Variants in CSMD3 observed in about 807,000 individuals in gnomAD.
CSMD3 encodes the protein CUB and Sushi multiple domains 3.
A neutral mutation model predicts 435.2 loss-of-function variants in CSMD3; 177 were observed. That is an observed-to-expected ratio of 0.41 (90% CI 0.36 to 0.46). The LOEUF is 0.46. CSMD3 is among the 20% of genes least tolerant of loss of function. The probability of loss-of-function intolerance (pLI) is 0.34; values close to 1 mark genes in which losing one functional copy is unlikely to be tolerated. For missense variants in CSMD3, 4,265 were observed against 4,504.6 expected (o/e 0.95, Z 1.52); for synonymous variants, 1,656 against 1,520.5 (o/e 1.09, Z -2.07).
At chr8:112,776,354 A>G (rs2078246609) in intron 13 of CSMD3, among the ~76,000 whole-genome samples, 1 of 151,804 alleles carries the variant, frequency 6.6e-6, no homozygotes. Context: ...TTCCTACTAA[A>G]TAATCCACCA....
chr8:113,275,045 A>T (rs973837744), intron 3 of CSMD3, among the ~76,000 whole-genome samples: 1 of 152,042 alleles, frequency 6.6e-6, no homozygotes, highest in Non-Finnish European at 1.5e-5. Context: ...ATAGAATTGA[A>T]ATGCTTATAT....
intron 13 of CSMD3, among the ~76,000 whole-genome samples, chr8:112,738,793 G>A (rs1181085508): frequency 6.6e-6 from 1 of 151,528 alleles, no homozygotes; most frequent in African/African-American, 2.4e-5. Flanking sequence ...AAAATAAAAA[G>A]CAATAACTTT....
chr8:112,855,749 T>G (rs1278484093), intron 11 of CSMD3, among the ~76,000 whole-genome samples: 1 of 151,808 alleles, frequency 6.6e-6, no homozygotes, highest in African/African-American at 2.4e-5. Flanking sequence ...CATGGGCATT[T>G]CTATGAGTTT....
At chr8:112,633,147 T>C (rs1212089052) in intron 22 of CSMD3, among the ~76,000 whole-genome samples, 1 of 152,042 alleles carries the variant, frequency 6.6e-6, no homozygotes, top group Non-Finnish European at 1.5e-5. Flanking sequence ...TCTGTCAAGA[T>C]TATTCTCCTG....
intron 3 of CSMD3, among the ~76,000 whole-genome samples, chr8:113,252,124 T>C (rs2093339889): frequency 6.6e-6 from 1 of 152,148 alleles, no homozygotes; most frequent in African/African-American, 2.4e-5. Flanking sequence ...AGAATACTCC[T>C]GATTTCTCAG....
At chr8:112,637,419 A>T (rs2131584025) in intron 21 of CSMD3, among the ~76,000 whole-genome samples, 1 of 152,270 alleles carries the variant, frequency 6.6e-6, no homozygotes, top group East Asian at 1.9e-4. Flanking sequence ...TTAATATTTT[A>T]CATTTAAATG....
chr8:113,301,006 A>G (rs2093761822), intron 2 of CSMD3, among the ~76,000 whole-genome samples: 1 of 152,174 alleles, frequency 6.6e-6, no homozygotes, highest in Non-Finnish European at 1.5e-5. Flanking sequence ...GATGATATAT[A>G]TTTTATAAAT....
intron 5 of CSMD3, among the ~76,000 whole-genome samples, chr8:113,052,998 C>T (rs2088163218): frequency 6.6e-6 from 1 of 152,118 alleles, no homozygotes; most frequent in Non-Finnish European, 1.5e-5. Flanking sequence ...TTAACTTTTA[C>T]ATTTAGTAGC....
chr8:113,002,176 G>C (rs2131075892), intron 6 of CSMD3, among the ~76,000 whole-genome samples: 1 of 152,166 alleles, frequency 6.6e-6, no homozygotes, highest in Non-Finnish European at 1.5e-5. Context: ...TCCTCGTCTA[G>C]AATTTCATTT....
intron 45 of CSMD3, among the ~76,000 whole-genome samples, chr8:112,325,655 T>C (rs1379682538): frequency 6.6e-6 from 1 of 152,052 alleles, no homozygotes; most frequent in Non-Finnish European, 1.5e-5. Context: ...TTAGTGTATA[T>C]ACATATATAT....
intron 13 of CSMD3, among the ~76,000 whole-genome samples, chr8:112,756,733 G>T (rs999070602): frequency 6.6e-6 from 1 of 150,630 alleles, no homozygotes; most frequent in Non-Finnish European, 1.5e-5. Context: ...CCTTGAAATC[G>T]TTTTTTCTCC....
chr8:112,428,830 C>T (rs764584650), intron 32 of CSMD3, among the ~76,000 whole-genome samples: 74 of 152,112 alleles, frequency 4.9e-4, no homozygotes, highest in Non-Finnish European at 1.0e-3. Context: ...ATCACTTGAA[C>T]TTAATGGGCA....
intron 16 of CSMD3, among the ~76,000 whole-genome samples, chr8:112,672,965 C>T (rs565534742): frequency 6.6e-6 from 1 of 152,068 alleles, no homozygotes; most frequent in Admixed American, 6.6e-5. Flanking sequence ...GCTCTTCCAT[C>T]TGAGAAGTGG....
At chr8:112,253,100 C>G (rs576160234) in intron 63 of CSMD3, among the ~76,000 whole-genome samples, 2 of 151,956 alleles carry the variant, frequency 1.3e-5, no homozygotes, top group African/African-American at 4.8e-5. Flanking sequence ...ATTTAGTACA[C>G]CGACACTAAC....
At chr8:112,974,264 G>A (rs1472537858) in intron 7 of CSMD3, among the ~76,000 whole-genome samples, 1 of 151,832 alleles carries the variant, frequency 6.6e-6, no homozygotes, top group African/African-American at 2.4e-5. Context: ...CTGCATTATT[G>A]TTCCAAGTTA....
chr8:112,368,703 G>T (rs1375276498), intron 38 of CSMD3, among the ~76,000 whole-genome samples: 3 of 152,088 alleles, frequency 2.0e-5, no homozygotes, highest in Admixed American at 1.3e-4. Context: ...ATGGGAGGAG[G>T]TTATAAGTAG....
chr8:113,238,349 G>T (rs2132228641), intron 3 of CSMD3, among the ~76,000 whole-genome samples: 1 of 152,164 alleles, frequency 6.6e-6, no homozygotes, highest in Non-Finnish European at 1.5e-5. Context: ...TTCCCCAAGG[G>T]GAAAACATCC....
chr8:112,410,630 ATATATATGTATATATATATGTG>A (rs1832291554), intron 32 of CSMD3, among the ~76,000 whole-genome samples: 8 of 80,058 alleles, frequency 1.0e-4, no homozygotes, highest in East Asian at 7.9e-4. Context: ...ATATATGTGT[ATATATATGTATATATATATGTG>A]TATATATATG....
chr8:113,355,201 T>C (rs2094213715), intron 1 of CSMD3, among the ~76,000 whole-genome samples: 1 of 152,120 alleles, frequency 6.6e-6, no homozygotes, highest in African/African-American at 2.4e-5. Flanking sequence ...GAAAATTCTA[T>C]CTATATTCCT....
Sources: allele counts gnomAD v4.1 joint callset (sites outside exome capture counted in the v4.1 genomes callset), GRCh38; gene constraint gnomAD v4.1.1; transcripts MANE v1.5; gene names NCBI Gene and HGNC (gene_info 2026-07-23, HGNC 2026-07-21).